The following ULK2 variants were observed in gnomAD, a reference collection of about 807,000 sequenced individuals.
ULK2 encodes the protein unc-51 like autophagy activating kinase 2, also known as serine/threonine-protein kinase ULK2.
A neutral mutation model predicts 127.5 loss-of-function variants in ULK2; 76 were observed. The ratio of observed to expected loss-of-function variants is 0.60; its 90% CI spans 0.50 to 0.72. The LOEUF (loss-of-function observed/expected upper bound fraction) is 0.72. Ranked by LOEUF, ULK2 falls within the 30% of genes least tolerant of loss-of-function variation. The pLI, the probability that ULK2 is intolerant of heterozygous loss-of-function variation, is 0.00. For missense variants in ULK2, 1,144 were observed against 1,295.9 expected (o/e 0.88, Z 1.80); for synonymous variants, 452 against 461.9 (o/e 0.98, Z 0.28).
At chr17:19,787,345 G>C (rs1452308526) in intron 20 of ULK2, among the ~76,000 whole-genome samples, 1 of 151,900 alleles carries the variant, frequency 6.6e-6, no homozygotes, top group East Asian at 1.9e-4. Context: ...GAAGGGCACT[G>C]GTGTGACCAT....
chr17:19,849,417 AAGAG>A lies in ULK2; in HGVS notation c.259-16_259-13del. 3.1e-6 allele frequency: 5 copies of A among 1,602,324 alleles called. No homozygotes were observed. Among genetic ancestry groups the A allele is most frequent in the Non-Finnish European group, 4.3e-6 (5 of 1,172,202 alleles). ...CCACCATTGCAATACTGACATAGAA[AAGAG>A]AAAGTAATGAAAATAAGGACAGTGA... On this transcript the variant is annotated splice_polypyrimidine_tract_variant and intron_variant, in intron 4 of 26. Transcript: ENST00000395544.
chr17:19,831,808 C>G (rs1030860608), intron 10 of ULK2, among the ~76,000 whole-genome samples: 1 of 151,988 alleles, frequency 6.6e-6, no homozygotes. Context: ...GCCTGGGCGA[C>G]AGAGCAAGAC....
chr17:19,855,294 C>T (rs1241232473), intron 3 of ULK2, among the ~76,000 whole-genome samples: 4 of 151,634 alleles, frequency 2.6e-5, no homozygotes, highest in Non-Finnish European at 2.9e-5. Flanking sequence ...GTCCCAGCTA[C>T]GCGGGAGGCT....
chr17:19,776,504 T>C lies in ULK2; in HGVS notation c.3053-97A>G, dbSNP rs1198837021. On this transcript the variant is annotated intron_variant, in intron 26 of 26. Coordinates refer to ENST00000395544, the MANE Select transcript of ULK2 (RefSeq NM_014683.4). Reference sequence around the variant, plus strand: ...GCCCCAAAGTTAACAGTTCTGAATATGTTTTCTTCTTTCTGCTTGGTAATA... The same window carrying C: ...GCCCCAAAGTTAACAGTTCTGAATACGTTTTCTTCTTTCTGCTTGGTAATA... The C allele has an allele frequency of 1.7e-5, 19 of 1,108,672 alleles. No homozygotes were observed. The East Asian group carries it at 3.1e-4, about 18-fold the overall frequency. The allele number at this position is 1,108,672 out of a possible 1,614,324, so 68.7% of individuals were successfully genotyped here.
At position 19,781,886 on chromosome 17, in the gene ULK2, C is replaced by A; in HGVS notation, c.2639+3G>T. On this transcript the variant is annotated splice_donor_region_variant and intron_variant, in intron 23 of 26. Transcript: ENST00000395544. ...TGGAAATGAATGACAAGGGGGCACC[C>A]ACCCCCAGTCTTTGCTCAGCTGACT... 1 of 1,611,038 alleles carries A rather than the reference C, an allele frequency of 6.2e-7. No homozygotes were observed. Among genetic ancestry groups the A allele is most frequent in the Non-Finnish European group, 8.5e-7 (1 of 1,178,574 alleles).
At chr17:19,785,147 T>C (rs933755682) in intron 21 of ULK2, among the ~76,000 whole-genome samples, 3 of 152,094 alleles carry the variant, frequency 2.0e-5, no homozygotes, top group African/African-American at 7.2e-5. Flanking sequence ...GCCTTCTAAC[T>C]GTATATAGGA....
intron 14 of ULK2, among the ~76,000 whole-genome samples, chr17:19,809,948 G>A (rs2087597542): frequency 6.6e-6 from 1 of 151,378 alleles, no homozygotes; most frequent in Non-Finnish European, 1.5e-5. Context: ...AAGAAATAAT[G>A]AGGCAGGGTG....
intron 3 of ULK2, among the ~76,000 whole-genome samples, chr17:19,855,119 G>A (rs2042096652): frequency 7.1e-6 from 1 of 140,244 alleles, no homozygotes. Flanking sequence ...AAAAAAAGAG[G>A]CTAGGCCAGG....
chr17:19,865,003 A>G (rs146082311), intron 2 of ULK2, among the ~76,000 whole-genome samples, 159 bp from the exon 3 acceptor site: 1 of 152,306 alleles, frequency 6.6e-6, no homozygotes, highest in East Asian at 1.9e-4. Flanking sequence ...GTGCCTGATC[A>G]AACAAAAAGC....
intron 9 of ULK2, among the ~76,000 whole-genome samples, chr17:19,840,874 G>C (rs1017705760): frequency 6.6e-6 from 1 of 151,814 alleles, no homozygotes; most frequent in Non-Finnish European, 1.5e-5. Context: ...GGGTGACAGA[G>C]CAAGACTCTG....
rs769538338 is a variant in ULK2 at position 19,797,523 on chromosome 17, T to A, written c.1682A>T (p.Tyr561Phe). The change falls in exon 18 of 27, where the codon TAC (tyrosine) becomes TTC (phenylalanine). Residue 561 changes from tyrosine (Y) to phenylalanine (F), a missense_variant. Tyr to Phe is a conservative substitution (Grantham distance 22, BLOSUM62 3). This residue lies in a region of ULK2 where 913 missense variants were observed against 970.5 expected (regional missense o/e 0.94). Coordinates refer to ENST00000395544, the MANE Select transcript of ULK2 (RefSeq NM_014683.4). ...CPSHTGAGYS[Y>F]SPQPSRPGSL... ...GCCAGGCCGACTGGGCTGAGGCGAG[T>A]AGCTGTACCCAGCCCCAGTATGGGA... 6.2e-7 allele frequency: 1 copy of A among 1,613,754 alleles called. No individual in the cohort carries two copies. The highest frequency in any genetic ancestry group is 2.2e-5 in the East Asian group (1 of 44,788).
At chr17:19,778,915 G>T (rs1003808615) in intron 25 of ULK2, among the ~76,000 whole-genome samples, 1 of 152,206 alleles carries the variant, frequency 6.6e-6, no homozygotes, top group South Asian at 2.1e-4. Flanking sequence ...GAATTTATAA[G>T]TTATAGGGCT....
chr17:19,855,331 G>A (rs932265260), intron 3 of ULK2, among the ~76,000 whole-genome samples: 13 of 151,794 alleles, frequency 8.6e-5, no homozygotes, highest in African/African-American at 3.1e-4. Context: ...GTGAACCCGG[G>A]AGGCAGAGCT....
chr17:19,844,435 A>ATT (rs1165975544), intron 7 of ULK2, among the ~76,000 whole-genome samples: 2 of 152,122 alleles, frequency 1.3e-5, no homozygotes, highest in Admixed American at 6.6e-5. Context: ...CAGGCATAAC[A>ATT]TTTTTATTTA....
rs1281375686 is a variant in ULK2, at chr17:19,804,692, C to A, written c.1295+1G>T. 2 of 1,583,696 alleles carry A rather than the reference C, an allele frequency of 1.3e-6. No individual in the cohort carries two copies. Among genetic ancestry groups the A allele is most frequent in the East Asian group, 2.3e-5 (1 of 44,352 alleles). The stretch of plus-strand genomic sequence containing the variant: ...AAGCAAGAAAAAAGCTACTAACTTA[C>A]CTTGGAGAACCATGTACATTTGTGC... On this transcript the variant is annotated splice_donor_variant, in intron 15 of 26. Transcript: ENST00000395544. LOFTEE classifies it high-confidence loss of function.
intron 12 of ULK2, among the ~76,000 whole-genome samples, chr17:19,818,318 G>A (rs1328634928): frequency 7.2e-6 from 1 of 138,372 alleles, no homozygotes; most frequent in African/African-American, 2.8e-5. Flanking sequence ...GTGAGACTCC[G>A]TCTCAAAAAA....
Position 19,849,742 on chromosome 17 carries a change from CT to C in ULK2, c.257del (p.Glu86GlyfsTer71). On this transcript the variant is annotated frameshift_variant and splice_region_variant, in exon 4 of 27. Coordinates refer to ENST00000395544, the MANE Select transcript of ULK2 (RefSeq NM_014683.4). LOFTEE classifies it high-confidence loss of function. ...ELPNSVFLVMEYCNGGDLADY... is the reference protein window; with the variant it reads ...ELPNSVFLVMXYCNGGDLADY... ...AAACAGAAGTTTGTATACTACCTAC[CT>C]CCATCACCAAAAAGACAGAGTTGGG... 6.5e-7 allele frequency: 1 copy of C among 1,538,624 alleles called. No homozygotes were observed. Among genetic ancestry groups the C allele is most frequent in the Non-Finnish European group, 8.8e-7 (1 of 1,139,792 alleles).
chr17:19,853,050 C>G (rs1045619144), intron 3 of ULK2, among the ~76,000 whole-genome samples: 2 of 151,938 alleles, frequency 1.3e-5, no homozygotes, highest in African/African-American at 4.8e-5. Context: ...TACAAAGCAA[C>G]AGAAAAGTAA....
chr17:19,806,153 G>A (rs1412746255), intron 14 of ULK2, among the ~76,000 whole-genome samples: 2 of 152,128 alleles, frequency 1.3e-5, no homozygotes, highest in Non-Finnish European at 2.9e-5. Context: ...GTGTCTGCAA[G>A]CCAGTGCACT....
Sources: allele counts gnomAD v4.1 joint callset (sites outside exome capture counted in the v4.1 genomes callset), GRCh38; gene constraint gnomAD v4.1.1; regional missense constraint gnomAD v4.1.1; transcripts MANE v1.5; gene names NCBI Gene and HGNC (gene_info 2026-07-23, HGNC 2026-07-21).